Variants in ELF2 observed in about 807,000 individuals in gnomAD.
ELF2 encodes the protein E74 like ETS transcription factor 2.
A neutral mutation model predicts 54.8 loss-of-function variants in ELF2; 11 were observed. The ratio of observed to expected loss-of-function variants is 0.20; its 90% CI spans 0.13 to 0.33. The LOEUF (loss-of-function observed/expected upper bound fraction) is 0.33. ELF2 is among the 10% of genes least tolerant of loss of function. The pLI is 1.00. For missense variants in ELF2, 513 were observed against 703.0 expected (o/e 0.73, Z 3.06); for synonymous variants, 203 against 245.1 (o/e 0.83, Z 1.61).
intron 1 of ELF2, among the ~76,000 whole-genome samples, chr4:139,174,206 T>TAAAAA (rs1222397912): frequency 7.5e-5 from 7 of 93,952 alleles, no homozygotes; most frequent in African/African-American, 2.6e-4. Flanking sequence ...GACTCCATCT[T>TAAAAA]AAAAAAAAAA....
intron 1 of ELF2, among the ~76,000 whole-genome samples, chr4:139,176,648 C>G (rs1161546155): frequency 6.6e-6 from 1 of 152,128 alleles, no homozygotes; most frequent in Non-Finnish European, 1.5e-5. Context: ...TCGGCCCATC[C>G]CCCCCGCCGG....
chr4:139,084,513 C>T (rs1560790739), intron 4 of ELF2: 2 of 798,710 alleles, frequency 2.5e-6, no homozygotes, highest in African/African-American at 3.6e-5. Flanking sequence ...CCGCCCCGCG[C>T]CCAAACAGGA....
At chr4:139,174,576 A>G (rs114572216) in intron 1 of ELF2, among the ~76,000 whole-genome samples, 424 of 150,580 alleles carry the variant, frequency 2.8e-3, no homozygotes, top group African/African-American at 0.01. Flanking sequence ...CATGGATTCA[A>G]TCAATGAGGT....
chr4:139,165,853 T>G (rs771921606), intron 1 of ELF2, among the ~76,000 whole-genome samples: 9 of 152,204 alleles, frequency 5.9e-5, no homozygotes, highest in Non-Finnish European at 1.2e-4. Context: ...TTTATTGATA[T>G]GATATTAATA....
intron 1 of ELF2, among the ~76,000 whole-genome samples, chr4:139,169,382 TCA>T: frequency 6.9e-6 from 1 of 143,908 alleles, no homozygotes; most frequent in East Asian, 2.0e-4. Context: ...ACAAAAAAAC[TCA>T]TAAAGGCCAC....
At chr4:139,109,308 T>C (rs1734727341) in intron 4 of ELF2, among the ~76,000 whole-genome samples, 1 of 152,094 alleles carries the variant, frequency 6.6e-6, no homozygotes, top group Non-Finnish European at 1.5e-5. Flanking sequence ...AAAACCTAGT[T>C]GAGAAAAATG....
At chr4:139,152,901 T>TTC (rs1338009592) in intron 1 of ELF2, among the ~76,000 whole-genome samples, 2 of 145,450 alleles carry the variant, frequency 1.4e-5, no homozygotes, top group African/African-American at 5.1e-5. Context: ...CTTTTTTTTT[T>TTC]TTTTTTTTTT....
chr4:139,132,819 C>G (rs1425863249), intron 3 of ELF2, among the ~76,000 whole-genome samples: 1 of 137,234 alleles, frequency 7.3e-6, no homozygotes, highest in Non-Finnish European at 1.5e-5. Flanking sequence ...ACTCAATTTT[C>G]CAAAGTGGTT....
At chr4:139,168,872 A>C (rs561976827) in intron 1 of ELF2, among the ~76,000 whole-genome samples, 1 of 152,204 alleles carries the variant, frequency 6.6e-6, no homozygotes, top group East Asian at 1.9e-4. Flanking sequence ...CTGGGTCCAA[A>C]GAAAGATTTT....
At chr4:139,147,742 G>A (rs1739383829) in intron 1 of ELF2, among the ~76,000 whole-genome samples, 1 of 151,044 alleles carries the variant, frequency 6.6e-6, no homozygotes, top group African/African-American at 2.4e-5. Flanking sequence ...CCAAAGTGCT[G>A]GGATTACAGG....
intron 1 of ELF2, among the ~76,000 whole-genome samples, chr4:139,150,150 G>A (rs1428559578): frequency 1.3e-5 from 2 of 152,030 alleles, no homozygotes. Flanking sequence ...GACCAGCCTG[G>A]CCAACATGGC....
intron 3 of ELF2, among the ~76,000 whole-genome samples, chr4:139,135,801 A>T (rs1415205468): frequency 6.6e-6 from 1 of 152,152 alleles, no homozygotes. Context: ...ATCACCCTAT[A>T]AGACTACCAC....
intron 4 of ELF2, among the ~76,000 whole-genome samples, chr4:139,121,421 A>G (rs1014629890): frequency 1.3e-5 from 2 of 151,952 alleles, no homozygotes; most frequent in East Asian, 3.9e-4. Context: ...TCTGGTCTTA[A>G]AAGATTTCTA....
chr4:139,104,972 G>A (rs1734272750), intron 4 of ELF2, among the ~76,000 whole-genome samples: 1 of 152,098 alleles, frequency 6.6e-6, no homozygotes, highest in African/African-American at 2.4e-5. Flanking sequence ...AACTTAGTAA[G>A]CTTCTTTGAG....
At chr4:139,064,138 A>G (rs372006527) in intron 7 of ELF2, among the ~76,000 whole-genome samples, 1 of 152,046 alleles carries the variant, frequency 6.6e-6, no homozygotes. Context: ...GTAAAACCCT[A>G]TCTCTACAAA....
intron 1 of ELF2, among the ~76,000 whole-genome samples, chr4:139,173,054 T>C (rs1047901374): frequency 1.3e-5 from 2 of 151,982 alleles, no homozygotes; most frequent in African/African-American, 4.8e-5. Context: ...ATTCCACTTA[T>C]ACAAAATATC....
chr4:139,077,647 C>T, intron 4 of ELF2, among the ~76,000 whole-genome samples: 1 of 151,518 alleles, frequency 6.6e-6, no homozygotes, highest in Non-Finnish European at 1.5e-5. Flanking sequence ...CTACTTGTGT[C>T]TGTAATTAAA....
chr4:139,115,051 G>T (rs980708979), intron 4 of ELF2: 1 of 1,613,780 alleles, frequency 6.2e-7, no homozygotes, highest in Non-Finnish European at 8.5e-7. Context: ...GGCAGCCCGG[G>T]CATCGTCACT....
intron 1 of ELF2, among the ~76,000 whole-genome samples, chr4:139,141,906 T>C (rs980949604): frequency 1.9e-4 from 29 of 152,172 alleles, no homozygotes; most frequent in Non-Finnish European, 3.7e-4. Flanking sequence ...CTCTACTTCA[T>C]TGAAATTAGA....
Sources: allele counts gnomAD v4.1 joint callset (sites outside exome capture counted in the v4.1 genomes callset), GRCh38; gene constraint gnomAD v4.1.1; transcripts MANE v1.5; gene names NCBI Gene and HGNC (gene_info 2026-07-23, HGNC 2026-07-21).